TTC28: variants seen among roughly 807,000 people sequenced by gnomAD.
The protein encoded by TTC28 is tetratricopeptide repeat protein 28.
A neutral mutation model predicts 198.0 loss-of-function variants in TTC28; 61 were observed. The ratio of observed to expected loss-of-function variants is 0.31; its 90% CI spans 0.25 to 0.38. The LOEUF (loss-of-function observed/expected upper bound fraction) is 0.38. TTC28 is among the 10% of genes least tolerant of loss of function. The pLI is 1.00. For synonymous variants in TTC28, 1,171 were observed against 1,297.8 expected (o/e 0.90, Z 2.10); for missense variants, 2,678 against 3,164.0 (o/e 0.85, Z 3.69).
At chr22:28,562,472 TAC>T (rs2145997615) in intron 2 of TTC28, among the ~76,000 whole-genome samples, 1 of 152,230 alleles carries the variant, frequency 6.6e-6, no homozygotes, top group African/African-American at 2.4e-5. Flanking sequence ...GACAGTAAAA[TAC>T]AGAGTCTCAA....
At chr22:28,205,278 T>C (rs1181426039) in intron 5 of TTC28, among the ~76,000 whole-genome samples, 3 of 152,170 alleles carry the variant, frequency 2.0e-5, no homozygotes, top group East Asian at 3.9e-4. Context: ...CATTTACTTC[T>C]CCATAGTAAA....
At chr22:28,526,125 T>C (rs2048999917) in intron 2 of TTC28, among the ~76,000 whole-genome samples, 1 of 152,206 alleles carries the variant, frequency 6.6e-6, no homozygotes, top group Non-Finnish European at 1.5e-5. Context: ...AAATACTAGC[T>C]CTGCTGTATG....
chr22:28,388,470 C>T (rs1368679806), intron 2 of TTC28, among the ~76,000 whole-genome samples: 3 of 152,144 alleles, frequency 2.0e-5, no homozygotes, highest in Non-Finnish European at 2.9e-5. Context: ...ATTCTTCCTA[C>T]CCATGAGCAT....
At chr22:28,325,221 G>A (rs1376745487) in intron 2 of TTC28, among the ~76,000 whole-genome samples, 1 of 152,076 alleles carries the variant, frequency 6.6e-6, no homozygotes, top group Non-Finnish European at 1.5e-5. Context: ...TATGTGTTCA[G>A]GAATTTATCC....
intron 2 of TTC28, among the ~76,000 whole-genome samples, chr22:28,586,486 A>C (rs538821477): frequency 9.5e-4 from 145 of 152,208 alleles, no homozygotes; most frequent in Non-Finnish European, 1.7e-3. Context: ...GGAAAGATAG[A>C]CATCAAGTGA....
intron 5 of TTC28, among the ~76,000 whole-genome samples, chr22:28,290,482 A>G (rs1025398066): frequency 7.9e-5 from 12 of 152,234 alleles, no homozygotes; most frequent in African/African-American, 2.7e-4. Flanking sequence ...AATTATCATT[A>G]TCTTCAAATA....
At chr22:28,458,468 C>T (rs1310957643) in intron 2 of TTC28, among the ~76,000 whole-genome samples, 2 of 152,090 alleles carry the variant, frequency 1.3e-5, no homozygotes, top group African/African-American at 4.8e-5. Context: ...GATAATCTCT[C>T]CTGAATTAAA....
chr22:28,119,461 GTGCAAAAC>G (rs923872865), intron 6 of TTC28, among the ~76,000 whole-genome samples: 9 of 152,214 alleles, frequency 5.9e-5, no homozygotes, highest in African/African-American at 2.2e-4. Context: ...CCTAAGGACA[GTGCAAAAC>G]TGTGGGCTCT....
At chr22:28,309,656 C>T (rs777588714) in intron 2 of TTC28, among the ~76,000 whole-genome samples, 10 of 152,154 alleles carry the variant, frequency 6.6e-5, no homozygotes, top group Non-Finnish European at 1.2e-4. Flanking sequence ...TATATACGGA[C>T]GCAGTATATG....
intron 2 of TTC28, among the ~76,000 whole-genome samples, chr22:28,392,991 C>A (rs1382179514): frequency 6.6e-6 from 1 of 151,234 alleles, no homozygotes; most frequent in Admixed American, 6.6e-5. Context: ...ATCTTCCCAC[C>A]TCAGCCTTCT....
intron 5 of TTC28, among the ~76,000 whole-genome samples, chr22:28,223,164 A>C (rs1191836889): frequency 6.6e-6 from 1 of 152,202 alleles, no homozygotes; most frequent in Non-Finnish European, 1.5e-5. Flanking sequence ...CATGTTGTGC[A>C]GCATCCTGGC....
At chr22:28,283,408 T>C (rs2044622322) in intron 5 of TTC28, among the ~76,000 whole-genome samples, 2 of 151,948 alleles carry the variant, frequency 1.3e-5, no homozygotes, top group South Asian at 2.1e-4. Context: ...ATAAAGCACA[T>C]AGTGTAGAAA....
At chr22:28,034,607 G>C (rs1181884098) in intron 12 of TTC28, among the ~76,000 whole-genome samples, 1 of 152,214 alleles carries the variant, frequency 6.6e-6, no homozygotes, top group African/African-American at 2.4e-5. Context: ...GTCCTGGCTG[G>C]ACCCTGCCCT....
chr22:28,225,304 G>A (rs576398313), intron 5 of TTC28, among the ~76,000 whole-genome samples: 5 of 151,482 alleles, frequency 3.3e-5, no homozygotes, highest in Non-Finnish European at 7.4e-5. Context: ...GCAGTGAGCC[G>A]AGATCATGCC....
rs470098 is a variant in TTC28 at position 27,981,095 on chromosome 22, G to T, written c.*1126C>A. The T allele has an allele frequency of 0.078, 11,918 of 152,476 alleles. 502 individuals carry two copies. The highest frequency in any genetic ancestry group is 0.086 in the Non-Finnish European group (5,899 of 68,214). 9.4% of individuals were successfully genotyped at this position (152,476 alleles called of 1,614,324 possible). A position where few individuals can be genotyped will look rare whatever the true frequency, so the allele number is the denominator to read the frequency against. On this transcript the variant is annotated 3_prime_UTR_variant, in exon 23 of 23. Transcript: ENST00000397906. ...ACAGAGGCAGGTGCTGGGATTGTGG[G>T]GACCTGGCAAAGGATTTAGATATAA...
chr22:28,158,998 A>G (rs1943822022), intron 6 of TTC28, among the ~76,000 whole-genome samples: 1 of 152,308 alleles, frequency 6.6e-6, no homozygotes, highest in Admixed American at 6.5e-5. Flanking sequence ...GGGAGAAAAT[A>G]TTTGCGAACT....
intron 2 of TTC28, among the ~76,000 whole-genome samples, chr22:28,391,029 C>A (rs1457960429): frequency 6.6e-6 from 1 of 152,106 alleles, no homozygotes; most frequent in African/African-American, 2.4e-5. Flanking sequence ...TCTTTTAGGG[C>A]AGGCCTGGTG....
intron 12 of TTC28, among the ~76,000 whole-genome samples, chr22:28,074,224 C>T (rs1435144431): frequency 1.3e-5 from 2 of 151,900 alleles, no homozygotes; most frequent in African/African-American, 4.8e-5. Flanking sequence ...TAAAATCAAC[C>T]AGAAAAAAAA....
chr22:28,184,730 T>G (rs190968189), intron 5 of TTC28, among the ~76,000 whole-genome samples: 161 of 152,224 alleles, frequency 1.1e-3, no homozygotes, highest in Middle Eastern at 6.8e-3. Context: ...TCATATTAAT[T>G]TTAAATTTTT....
Sources: gnomAD v4.1 joint callset for allele counts (sites outside exome capture counted in the v4.1 genomes callset) on GRCh38, gnomAD v4.1.1 for gene constraint, MANE v1.5 for transcripts, NCBI Gene and HGNC (gene_info 2026-07-23, HGNC 2026-07-21) for gene names.